The following DCC variants were observed in gnomAD, a reference collection of about 807,000 sequenced individuals.
DCC encodes the protein netrin receptor DCC.
A neutral mutation model predicts 172.5 loss-of-function variants in DCC; 58 were observed. That is an observed-to-expected ratio of 0.34 (90% CI 0.27 to 0.42). The LOEUF (loss-of-function observed/expected upper bound fraction) is 0.42, where lower values mean the gene tolerates loss of function less well. Among genes scored for constraint, DCC ranks in the 10% least tolerant of loss-of-function variants. DCC has a pLI of 1.00. For missense variants in DCC, 1,740 were observed against 1,791.0 expected (o/e 0.97, Z 0.51); for synonymous variants, 709 against 644.5 (o/e 1.10, Z -1.52).
intron 5 of DCC, among the ~76,000 whole-genome samples, chr18:53,053,234 G>A (rs937087520): frequency 1.3e-5 from 2 of 152,102 alleles, no homozygotes; most frequent in Non-Finnish European, 2.9e-5. Context: ...ATTCATTGAT[G>A]TTCGGCGGTG....
chr18:53,033,130 T>G (rs1230860458), intron 5 of DCC, among the ~76,000 whole-genome samples: 1 of 152,004 alleles, frequency 6.6e-6, no homozygotes, highest in Non-Finnish European at 1.5e-5. Flanking sequence ...CTTATAGAAA[T>G]AAGAATGTTG....
intron 1 of DCC, among the ~76,000 whole-genome samples, chr18:52,734,387 C>T (rs935186250): frequency 1.3e-5 from 2 of 152,136 alleles, no homozygotes; most frequent in Non-Finnish European, 1.5e-5. Context: ...CCGTATCATA[C>T]ACGTTTTTTT....
At chr18:53,332,795 C>T (rs2057545112) in intron 14 of DCC, among the ~76,000 whole-genome samples, 1 of 14,252 alleles carries the variant, frequency 7.0e-5, no homozygotes, top group Non-Finnish European at 3.9e-4. Context: ...TTTATCAAAA[C>T]CCATAGAGCT....
intron 1 of DCC, among the ~76,000 whole-genome samples, chr18:52,454,859 A>G (rs1302548461): frequency 6.6e-6 from 1 of 152,180 alleles, no homozygotes; most frequent in Admixed American, 6.5e-5. Context: ...TTTATTGTCT[A>G]CATTTCCATT....
intron 5 of DCC, among the ~76,000 whole-genome samples, chr18:53,046,017 A>C (rs2144017330): frequency 6.6e-6 from 1 of 151,940 alleles, no homozygotes; most frequent in African/African-American, 2.4e-5. Flanking sequence ...TGATTTTTGA[A>C]ATCCTCACTT....
chr18:53,119,081 G>C (rs1422218178), intron 7 of DCC, among the ~76,000 whole-genome samples: 1 of 151,716 alleles, frequency 6.6e-6, no homozygotes, highest in East Asian at 1.9e-4. Flanking sequence ...TTAGCATCTT[G>C]AGGAAGGTAC....
At chr18:52,470,721 C>T (rs754162502) in intron 1 of DCC, among the ~76,000 whole-genome samples, 20 of 152,146 alleles carry the variant, frequency 1.3e-4, no homozygotes, top group Non-Finnish European at 2.5e-4. Context: ...AATAAACATT[C>T]CCTAATGGGA....
chr18:53,532,615 GA>G lies in DCC; in HGVS notation c.*1966del, dbSNP rs1323213141. 5 of 152,030 alleles carry G rather than the reference GA, an allele frequency of 3.3e-5. No individual in the cohort carries two copies. The highest frequency in any genetic ancestry group is 1.2e-4 in the African/African-American group (5 of 41,434). 9.4% of individuals were successfully genotyped at this position (152,030 alleles called of 1,614,324 possible). Reference sequence around the variant, plus strand: ...AGAAATAATCCATTACTTCAAAAAAGAAAATATTCATTGGGCTAGCCCAACC... The same window carrying G: ...AGAAATAATCCATTACTTCAAAAAAGAAATATTCATTGGGCTAGCCCAACC... On this transcript the variant is annotated 3_prime_UTR_variant, in exon 29 of 29. Transcript: ENST00000442544.
intron 2 of DCC, among the ~76,000 whole-genome samples, chr18:52,765,269 T>A (rs1248510220): frequency 6.7e-6 from 1 of 148,696 alleles, no homozygotes; most frequent in African/African-American, 2.5e-5. Flanking sequence ...GGTTTTGAAC[T>A]CCTGACCTCA....
chr18:53,159,562 A>G (rs2054801212), intron 8 of DCC, among the ~76,000 whole-genome samples: 2 of 152,270 alleles, frequency 1.3e-5, no homozygotes, highest in South Asian at 4.1e-4. Context: ...CCAAAATGTG[A>G]CTGGTTCTTA....
chr18:53,185,382 A>T (rs904623735), intron 9 of DCC, among the ~76,000 whole-genome samples: 13 of 152,166 alleles, frequency 8.5e-5, no homozygotes, highest in Non-Finnish European at 1.2e-4. Context: ...ATTTAAAAAT[A>T]TTTATTTTGT....
chr18:53,257,616 G>A (rs2056537977), intron 12 of DCC, among the ~76,000 whole-genome samples: 2 of 152,196 alleles, frequency 1.3e-5, no homozygotes, highest in African/African-American at 4.8e-5. Context: ...TGGTTTGCCA[G>A]TATTTTATTG....
At chr18:52,581,205 A>ATCTATCTATCTATCTATCTATCTATCTG (rs763256543) in intron 1 of DCC, among the ~76,000 whole-genome samples, 2,140 of 152,108 alleles carry the variant, frequency 0.014, 35 homozygotes, top group Non-Finnish European at 0.019. Flanking sequence ...CTATCTATCT[A>ATCTATCTATCTATCTATCTATCTATCTG]TCTAAATTTG....
intron 5 of DCC, among the ~76,000 whole-genome samples, chr18:52,929,892 A>G (rs1489213807): frequency 1.3e-5 from 2 of 150,826 alleles, no homozygotes; most frequent in African/African-American, 4.9e-5. Flanking sequence ...TATAAGTGAA[A>G]TGTATGCTAT....
chr18:53,475,416 C>T (rs970682262), intron 25 of DCC, among the ~76,000 whole-genome samples: 4 of 152,152 alleles, frequency 2.6e-5, no homozygotes, highest in Non-Finnish European at 4.4e-5. Context: ...TTCCATGGAC[C>T]AGGCCCAGGG....
intron 2 of DCC, among the ~76,000 whole-genome samples, chr18:52,830,432 C>G (rs750897044): frequency 3.3e-5 from 5 of 152,106 alleles, no homozygotes; most frequent in Non-Finnish European, 7.4e-5. Flanking sequence ...CCTTTTCACT[C>G]AGAGTGAGGA....
intron 5 of DCC, among the ~76,000 whole-genome samples, chr18:53,018,862 ATCT>A (rs1314715851): frequency 6.6e-6 from 1 of 152,184 alleles, no homozygotes; most frequent in Non-Finnish European, 1.5e-5. Flanking sequence ...TTTATATATA[ATCT>A]TGTTTTATAC....
intron 1 of DCC, among the ~76,000 whole-genome samples, chr18:52,729,634 C>T (rs921198794): frequency 4.6e-5 from 7 of 152,238 alleles, no homozygotes; most frequent in Admixed American, 2.0e-4. Context: ...TTTAACACAC[C>T]AAATTATTTC....
intron 5 of DCC, among the ~76,000 whole-genome samples, chr18:53,016,690 C>T (rs1282947593): frequency 6.6e-6 from 1 of 151,908 alleles, no homozygotes; most frequent in Non-Finnish European, 1.5e-5. Flanking sequence ...TCTTTTGAGA[C>T]TAGAGAAATA....
Sources: gnomAD v4.1 joint callset for allele counts (sites outside exome capture counted in the v4.1 genomes callset) on GRCh38, gnomAD v4.1.1 for gene constraint, MANE v1.5 for transcripts, NCBI Gene and HGNC (gene_info 2026-07-23, HGNC 2026-07-21) for gene names.